Variants in ZNF343 observed in about 807,000 individuals in gnomAD.
ZNF343 encodes zinc finger protein 343.
A neutral mutation model predicts 13.8 loss-of-function variants in ZNF343; 11 were observed. That is an observed-to-expected ratio of 0.80 (90% CI 0.50 to 1.32). ZNF343 has a LOEUF of 1.32. ZNF343 is among the 40% of genes most tolerant of loss of function. The pLI is 0.00. For synonymous variants in ZNF343, 248 were observed against 260.0 expected (o/e 0.95, Z 0.44); for missense variants, 658 against 714.2 (o/e 0.92, Z 0.90).
intron 2 of ZNF343, among the ~76,000 whole-genome samples, chr20:2,500,370 T>G (rs1318473906): frequency 6.6e-6 from 1 of 152,208 alleles, no homozygotes; most frequent in Non-Finnish European, 1.5e-5. Flanking sequence ...TTACCATCAT[T>G]TTTTATTTCA....
At chr20:2,522,200 GTACTGAC>G (rs2085785519) in intron 1 of ZNF343, among the ~76,000 whole-genome samples, 1 of 152,272 alleles carries the variant, frequency 6.6e-6, no homozygotes, top group East Asian at 1.9e-4. Flanking sequence ...AAAATGCTTA[GTACTGAC>G]TACATGGAGT....
intron 1 of ZNF343, among the ~76,000 whole-genome samples, chr20:2,507,711 G>A (rs6114674): frequency 0.025 from 3,770 of 152,292 alleles, 175 homozygotes; most frequent in African/African-American, 0.087. Context: ...ACATAGGGTT[G>A]AGGGGATGTA....
At chr20:2,497,566 G>GTAGT (rs1397020405) in intron 2 of ZNF343, among the ~76,000 whole-genome samples, 2 of 152,216 alleles carry the variant, frequency 1.3e-5, no homozygotes, top group African/African-American at 4.8e-5. Context: ...GTTTAGCACA[G>GTAGT]TAGTGGCTGC....
intron 4 of ZNF343, among the ~76,000 whole-genome samples, 193 bp downstream of exon 4, chr20:2,493,326 G>T (rs528358163): frequency 1.3e-5 from 2 of 152,154 alleles, no homozygotes; most frequent in South Asian, 2.1e-4. Flanking sequence ...AAAAGCTCAG[G>T]TTACTAAATG....
At chr20:2,501,677 C>G (rs1261363646) in intron 1 of ZNF343, among the ~76,000 whole-genome samples, 1 of 152,210 alleles carries the variant, frequency 6.6e-6, no homozygotes, top group African/African-American at 2.4e-5. Flanking sequence ...TCTGCAGCCT[C>G]CGCTGCTGAT....
chr20:2,516,070 G>T (rs550318222), intron 1 of ZNF343, among the ~76,000 whole-genome samples: 1 of 152,204 alleles, frequency 6.6e-6, no homozygotes, highest in Admixed American at 6.5e-5. Context: ...AAGTGAGAAT[G>T]GGGGCTAGGG....
In ZNF343 at chr20:2,484,314, C is replaced by A. The variant is rs770080200; in HGVS notation, c.647G>T (p.Ser216Ile). The change falls in exon 6 of 6, where the codon AGC (serine) becomes ATC (isoleucine). Residue 216 changes from serine (S) to isoleucine (I), a missense_variant. Ser to Ile is a moderately radical substitution (Grantham distance 142, BLOSUM62 -2). Transcript: ENST00000278772. ...CACAGGGTTTGGTCTTTGGGCTGAG[C>A]TGGGCTCTGTTTCTACCACCATGTT... Reference protein sequence around the residue: ...KGNMVVETEPSSAQRPNPVQL... With the variant: ...KGNMVVETEPISAQRPNPVQL... 1 of 1,614,212 alleles carries A rather than the reference C, an allele frequency of 6.2e-7. No individual in the cohort carries two copies. Among genetic ancestry groups the A allele is most frequent in the African/African-American group, 1.3e-5 (1 of 75,050 alleles).
chr20:2,484,571 C>A lies in ZNF343; in HGVS notation c.390G>T (p.Gln130His). The change falls in exon 6 of 6, where the codon CAG becomes CAT. Residue 130 changes from glutamine to histidine, a missense_variant. By Grantham distance (24) the Gln-to-His change is conservative. Transcript: ENST00000278772. ...TTTCTGCACATAAGCCCAGGAAGAT[C>A]TGAAGTACATGTTGACTGAGGAACT... ...CQQFLSQHVL[Q>H]IFLGLCAENH... The A allele has an allele frequency of 6.2e-7, 1 of 1,614,204 alleles. No homozygotes were observed. Among genetic ancestry groups the A allele is most frequent in the Non-Finnish European group, 8.5e-7 (1 of 1,180,020 alleles).
chr20:2,524,923 C>A (rs1330460588), upstream of ZNF343, among the ~76,000 whole-genome samples: 1 of 152,228 alleles, frequency 6.6e-6, no homozygotes, highest in Non-Finnish European at 1.5e-5. Flanking sequence ...GCCCAGACGC[C>A]AAGGTCCCGG....
chr20:2,511,326 T>A (rs899156980), upstream of ZNF343, among the ~76,000 whole-genome samples: 4 of 152,122 alleles, frequency 2.6e-5, no homozygotes, highest in African/African-American at 9.6e-5. Flanking sequence ...CCCAGGCTGA[T>A]CTTAAACTCC....
intron 1 of ZNF343, among the ~76,000 whole-genome samples, chr20:2,520,828 G>A (rs965959105): frequency 1.3e-5 from 2 of 152,104 alleles, no homozygotes; most frequent in Non-Finnish European, 2.9e-5. Flanking sequence ...GAATATTGGG[G>A]ACAGTTGCTG....
At chr20:2,511,163 G>A (rs991961199), upstream of ZNF343, among the ~76,000 whole-genome samples, 5 of 150,736 alleles carry the variant, frequency 3.3e-5, no homozygotes, top group Non-Finnish European at 7.4e-5. Flanking sequence ...TCAGGCTAGA[G>A]TGCGGTGGCA....
At chr20:2,515,091 A>C (rs2085753889) in intron 1 of ZNF343, among the ~76,000 whole-genome samples, 1 of 152,012 alleles carries the variant, frequency 6.6e-6, no homozygotes, top group Non-Finnish European at 1.5e-5. Context: ...AGAGAAGAAG[A>C]AGCCAAATCA....
chr20:2,484,721 C>T (rs893771649), intron 5 of ZNF343, 65 bp from the exon 6 acceptor site: 5 of 1,447,492 alleles, frequency 3.5e-6, no homozygotes, highest in Non-Finnish European at 4.7e-6. Context: ...TCTGCCTTGT[C>T]TTAGGACAGA....
intron 4 of ZNF343, 182 bp from the exon 5 acceptor site, chr20:2,493,007 T>C (rs1049198844): frequency 1.4e-6 from 1 of 726,698 alleles, no homozygotes; most frequent in African/African-American, 1.8e-5. Context: ...TTAAAACCTG[T>C]GAGGAGCATA....
chr20:2,493,434 C>G (rs1172302139), intron 4 of ZNF343, 85 bp downstream of exon 4: 6 of 1,349,604 alleles, frequency 4.4e-6, no homozygotes, highest in African/African-American at 2.9e-5. Context: ...CCGCCTTTTC[C>G]TTTCCCAAGA....
chr20:2,523,395 T>TC (rs1281607593), intron 1 of ZNF343, among the ~76,000 whole-genome samples: 5 of 151,678 alleles, frequency 3.3e-5, no homozygotes, highest in African/African-American at 1.2e-4. Flanking sequence ...ACTCTTTTAT[T>TC]CCTTTTTTTT....
At chr20:2,502,961 C>A (rs1312560888) in intron 1 of ZNF343, among the ~76,000 whole-genome samples, 3 of 151,960 alleles carry the variant, frequency 2.0e-5, no homozygotes, top group Non-Finnish European at 4.4e-5. Flanking sequence ...AACACATAAC[C>A]ATATTAACCT....
rs1037183101 is a variant in ZNF343, at chr20:2,518,077, G to A, written c.-347+6378C>T. On this transcript the variant is annotated intron_variant, in intron 1 of 6. Coordinates refer to the ZNF343 transcript ENST00000358413. This position sits in a 1 kb window ranked among gnomAD's most constrained non-coding sequence, Gnocchi z 4.6. ...TACCCAGGCTGGAGTGCAGTGGCTC[G>A]ATCTCGGCTCACTGTAACCTCTGCC... is the stretch of plus-strand genomic sequence containing the variant. Among the ~76,000 whole-genome samples the A allele has an allele frequency of 1.3e-5, 2 of 150,358 alleles. No individual in the cohort carries two copies. Among genetic ancestry groups the A allele is most frequent in the Admixed American group, 6.6e-5 (1 of 15,052 alleles).
Sources: gnomAD v4.1 joint callset for allele counts (sites outside exome capture counted in the v4.1 genomes callset) on GRCh38, gnomAD v4.1.1 for gene constraint, Gnocchi (gnomAD v3.1) non-coding constraint, MANE v1.5 for transcripts, NCBI Gene and HGNC (gene_info 2026-07-23, HGNC 2026-07-21) for gene names.